The following SCUBE1 variants were observed in gnomAD, a reference collection of about 807,000 sequenced individuals.
SCUBE1 encodes signal peptide, CUB and EGF-like domain-containing protein 1.
A neutral mutation model predicts 124.4 loss-of-function variants in SCUBE1; 59 were observed. The observed-to-expected ratio is 0.47, with a 90% CI of 0.38 to 0.59. The LOEUF is 0.59. Ranked by LOEUF, SCUBE1 falls within the 20% of genes least tolerant of loss-of-function variation. The pLI, the probability that SCUBE1 is intolerant of heterozygous loss-of-function variation, is 0.00. For synonymous variants in SCUBE1, 545 were observed against 550.9 expected (o/e 0.99, Z 0.15); for missense variants, 1,150 against 1,371.2 (o/e 0.84, Z 2.55).
At chr22:43,227,753 G>C (rs5759223) in intron 9 of SCUBE1, among the ~76,000 whole-genome samples, 91,776 of 152,144 alleles carry the variant, frequency 0.6, 29,667 homozygotes, top group African/African-American at 0.86. Context: ...CCCAGGCTAG[G>C]GGGCAGAGGA....
chr22:43,312,438 A>T (rs752721461), intron 3 of SCUBE1, among the ~76,000 whole-genome samples: 1 of 152,092 alleles, frequency 6.6e-6, no homozygotes, highest in Non-Finnish European at 1.5e-5. Context: ...CTGCGGGTAC[A>T]GGGAAGGCTG....
At chr22:43,251,681 G>C (rs1923455211) in intron 6 of SCUBE1, among the ~76,000 whole-genome samples, 1 of 152,206 alleles carries the variant, frequency 6.6e-6, no homozygotes, top group Non-Finnish European at 1.5e-5. Flanking sequence ...TGCACCCCTG[G>C]AGCCTCCAGA....
At chr22:43,204,413 C>G (rs1277438150) in intron 21 of SCUBE1, among the ~76,000 whole-genome samples, 2 of 152,060 alleles carry the variant, frequency 1.3e-5, no homozygotes, top group African/African-American at 4.8e-5. Context: ...ATTCTGCTGC[C>G]TCAGCCTCTC....
At chr22:43,318,174 C>T (rs1321733182) in intron 3 of SCUBE1, 1 of 152,152 alleles carries the variant, frequency 6.6e-6, no homozygotes, top group African/African-American at 2.4e-5. Flanking sequence ...ATTTGTCAGA[C>T]TGTGGGGCAA....
intron 3 of SCUBE1, among the ~76,000 whole-genome samples, chr22:43,293,846 T>G (rs1467646585): frequency 2.0e-5 from 3 of 152,210 alleles, no homozygotes; most frequent in East Asian, 1.9e-4. Context: ...GAGTTCCCAG[T>G]GCAGAAATGC....
intron 7 of SCUBE1, chr22:43,232,077 A>G (rs58803318): frequency 0.065 from 38,416 of 589,390 alleles, 1,738 homozygotes; most frequent in African/African-American, 0.17. Flanking sequence ...GCTGGGTTGT[A>G]CTGGGAAGGG....
chr22:43,301,283 C>T (rs1015445372), intron 3 of SCUBE1, among the ~76,000 whole-genome samples: 2 of 152,114 alleles, frequency 1.3e-5, no homozygotes, highest in Non-Finnish European at 2.9e-5. Flanking sequence ...TCCTCCATCC[C>T]TCATGGACCT....
chr22:43,339,281 A>G (rs753331248), intron 1 of SCUBE1, 46 bp from the exon 2 acceptor site: 2 of 1,596,406 alleles, frequency 1.3e-6, no homozygotes, highest in Non-Finnish European at 1.7e-6. Context: ...GTGTGGCCCC[A>G]GGGCAGGTGG....
intron 4 of SCUBE1, among the ~76,000 whole-genome samples, chr22:43,280,770 C>T (rs1924780299): frequency 7.5e-6 from 1 of 133,612 alleles, no homozygotes. Flanking sequence ...CCTCATTGGC[C>T]ACCCTCCTGT....
chr22:43,217,409 G>A (rs937063525), intron 15 of SCUBE1, among the ~76,000 whole-genome samples: 8 of 151,244 alleles, frequency 5.3e-5, no homozygotes, highest in Admixed American at 3.9e-4. Context: ...GTCAGGAAGC[G>A]ATACCACCTC....
At position 43,221,220 on chromosome 22, in the gene SCUBE1, G is replaced by C. The variant is rs1243157391; in HGVS notation, c.1502C>G (p.Pro501Arg). 1.2e-6 allele frequency: 2 copies of C among 1,611,652 alleles called. No individual in the cohort carries two copies. Among genetic ancestry groups the C allele is most frequent in the Non-Finnish European group, 1.7e-6 (2 of 1,179,976 alleles). Residue 501 changes from proline (P) to arginine (R), a missense_variant, in exon 13 of 22, where the codon CCC (proline) becomes CGC (arginine). Around this residue, in one of 3 missense-constraint regions of SCUBE1, gnomAD observed 757 missense variants for 840.9 expected, o/e 0.90. Transcript: ENST00000360835. ...CTCCTTTGCTCGTGCCTGGCTGTGG[G>C]GCCGGAGGTGGCACTTGGCATCTCG... Reference protein sequence around the residue: ...KIRDAKCHLRPHSQARAKETA... With the variant: ...KIRDAKCHLRRHSQARAKETA...
intron 4 of SCUBE1, among the ~76,000 whole-genome samples, chr22:43,265,152 C>T (rs555440802): frequency 9.8e-4 from 150 of 152,346 alleles, no homozygotes; most frequent in South Asian, 7.0e-3. Context: ...AGCTGATGCA[C>T]GCCGGAGCCC....
intron 8 of SCUBE1, among the ~76,000 whole-genome samples, chr22:43,230,592 C>T (rs186555663): frequency 6.6e-6 from 1 of 152,326 alleles, no homozygotes; most frequent in East Asian, 1.9e-4. Flanking sequence ...CTTGGCAAGG[C>T]CAACAGAGAA....
At chr22:43,308,579 C>T (rs1313088968) in intron 3 of SCUBE1, among the ~76,000 whole-genome samples, 1 of 152,258 alleles carries the variant, frequency 6.6e-6, no homozygotes, top group African/African-American at 2.4e-5. Flanking sequence ...TTGTCTCCAG[C>T]TGTCTTCCAG....
At chr22:43,241,981 G>A (rs1031225035) in intron 6 of SCUBE1, among the ~76,000 whole-genome samples, 13 of 152,232 alleles carry the variant, frequency 8.5e-5, no homozygotes, top group African/African-American at 2.9e-4. Context: ...CCTCTTGCCT[G>A]GGGCTCCATC....
In SCUBE1 at chr22:43,251,439, C is replaced by A. The variant is rs186511348; in HGVS notation, c.727+6780G>T. ...ACTGTGACCCTACCTGGCAGAAGGG[C>A]CTCTGCAGATGTGCTGAAGGACCAT... On this transcript the variant is annotated intron_variant, in intron 6 of 21. Transcript: ENST00000360835. Among the ~76,000 whole-genome samples the A allele has an allele frequency of 6.4e-3, 976 of 152,286 alleles. 9 individuals carry two copies. The highest frequency in any genetic ancestry group is 0.022 in the African/African-American group (932 of 41,548).
At chr22:43,242,331 C>T (rs1923037930) in intron 6 of SCUBE1, among the ~76,000 whole-genome samples, 2 of 152,240 alleles carry the variant, frequency 1.3e-5, no homozygotes, top group Non-Finnish European at 2.9e-5. Context: ...TCCTGTTCCT[C>T]AGGACCAGAG....
intron 2 of SCUBE1, among the ~76,000 whole-genome samples, chr22:43,337,638 C>G (rs990043101): frequency 2.6e-5 from 4 of 152,204 alleles, no homozygotes; most frequent in African/African-American, 7.2e-5. Context: ...GGGCCCTGAG[C>G]GTGCCAGGAA....
rs1926495648 is a variant in SCUBE1, at chr22:43,320,137, C to T, written c.221-72G>A. ...TCCCCTCTCCCAACACCATGGAAGC[C>T]ACCGGGATCTGAGTGATTAGGGGAT... On this transcript the variant is annotated intron_variant, in intron 2 of 21. Coordinates refer to ENST00000360835, the MANE Select transcript of SCUBE1 (RefSeq NM_173050.5). The T allele has an allele frequency of 3.2e-6, 5 of 1,583,172 alleles. No homozygotes were observed. In the Admixed American group the frequency reaches 5.1e-5, roughly 16 times the overall value.
Sources: gnomAD v4.1 joint callset for allele counts (sites outside exome capture counted in the v4.1 genomes callset) on GRCh38, gnomAD v4.1.1 for gene constraint, gnomAD v4.1.1 regional missense constraint, MANE v1.5 for transcripts, NCBI Gene and HGNC (gene_info 2026-07-23, HGNC 2026-07-21) for gene names.